The following EVA1A variants were observed in gnomAD, a reference collection of about 807,000 sequenced individuals.
The protein encoded by EVA1A is eva-1 homolog A, regulator of programmed cell death.
In EVA1A, 7 loss-of-function variants were observed where a neutral mutation model predicts 9.8. The ratio of observed to expected loss-of-function variants is 0.71; its 90% CI spans 0.41 to 1.34. The LOEUF is 1.34. EVA1A is among the 40% of genes most tolerant of loss of function. The pLI, the probability that EVA1A is intolerant of heterozygous loss-of-function variation, is 0.01. For missense variants in EVA1A, 206 were observed against 205.9 expected, an observed-to-expected ratio of 1.00 and a Z score of 0.00; for synonymous variants, 90 against 85.6, an observed-to-expected ratio of 1.05 and a Z score of -0.28.
At chr2:75,557,947 T>A (rs1676777911) in intron 1 of EVA1A, among the ~76,000 whole-genome samples, 1 of 152,264 alleles carries the variant, frequency 6.6e-6, no homozygotes, top group Admixed American at 6.5e-5. Context: ...GAGCACTTAT[T>A]ATATGCCAAG....
rs1676894507 is a variant in EVA1A at position 75,560,686 on chromosome 2, TG to T, written c.-199del. 6.6e-6 allele frequency: 1 copy of T among 152,178 alleles called. No homozygotes were observed. The highest frequency in any genetic ancestry group is 1.5e-5 in the Non-Finnish European group (1 of 68,046). 9.4% of individuals were successfully genotyped at this position (152,178 alleles called of 1,614,324 possible). ...GCTCTCGGGCACCTCTTACCTTTGC[TG>T]GGGCCCCGGCGCGCACTTCCGGGGA... On this transcript the variant is annotated 5_prime_UTR_variant, in exon 1 of 4. Transcript: ENST00000393913.
chr2:75,543,425 A>T lies in EVA1A; in HGVS notation c.-192+17255T>A, dbSNP rs142281285. ...TGATTTGTTTCTGTGTTGGCTTCCC[A>T]GTCCCAAAAGTGACTCCTAAGGTCA... is the stretch of plus-strand genomic sequence containing the variant. On this transcript the variant is annotated intron_variant, in intron 1 of 3. Coordinates refer to ENST00000393913, the MANE Select transcript of EVA1A (RefSeq NM_001135032.2). Among the ~76,000 whole-genome samples, 528 of 152,300 alleles carry T rather than the reference A, an allele frequency of 3.5e-3. 3 individuals are homozygous for T. The highest frequency in any genetic ancestry group is 0.024 in the Middle Eastern group (7 of 294).
At chr2:75,543,579 C>G (rs1186230655) in intron 1 of EVA1A, among the ~76,000 whole-genome samples, 3 of 152,118 alleles carry the variant, frequency 2.0e-5, no homozygotes, top group East Asian at 3.9e-4. Context: ...ACCCCCACCC[C>G]ACCCCGCAAG....
intron 3 of EVA1A, among the ~76,000 whole-genome samples, chr2:75,513,034 C>T (rs1674872937): frequency 1.3e-5 from 2 of 152,160 alleles, no homozygotes; most frequent in Admixed American, 1.3e-4. Flanking sequence ...AACCTCCTTC[C>T]ATTTTCTGCC....
chr2:75,505,008 T>G (rs773602762), intron 3 of EVA1A, among the ~76,000 whole-genome samples: 5 of 152,112 alleles, frequency 3.3e-5, no homozygotes, highest in African/African-American at 7.2e-5. Flanking sequence ...CCACAGGCAA[T>G]AGGCAACCCA....
intron 3 of EVA1A, among the ~76,000 whole-genome samples, chr2:75,502,484 G>T (rs1202959743): frequency 6.6e-6 from 1 of 152,106 alleles, no homozygotes; most frequent in African/African-American, 2.4e-5. Flanking sequence ...TACCTATTCT[G>T]CAATCTAAGA....
chr2:75,509,170 G>T (rs1360411555), intron 3 of EVA1A, among the ~76,000 whole-genome samples: 1 of 152,096 alleles, frequency 6.6e-6, no homozygotes, highest in Non-Finnish European at 1.5e-5. Flanking sequence ...AATTTAAGGG[G>T]AACTTATCAT....
chr2:75,521,074 G>A (rs1675213438), intron 2 of EVA1A, among the ~76,000 whole-genome samples: 1 of 152,110 alleles, frequency 6.6e-6, no homozygotes, highest in African/African-American at 2.4e-5. Flanking sequence ...TTTCTCCAAA[G>A]ATATACAAGT....
At chr2:75,517,734 C>A (rs1320175615) in intron 3 of EVA1A, 1 of 711,160 alleles carries the variant, frequency 1.4e-6, no homozygotes, top group African/African-American at 1.8e-5. Context: ...CTGAGGTACT[C>A]CATCAGCCCC....
At chr2:75,506,296 G>A (rs1054614814) in intron 3 of EVA1A, among the ~76,000 whole-genome samples, 1 of 152,196 alleles carries the variant, frequency 6.6e-6, no homozygotes, top group African/African-American at 2.4e-5. Context: ...GAATCTCTGT[G>A]TCAAACAGGA....
chr2:75,502,197 A>G (rs1674452747), intron 3 of EVA1A, among the ~76,000 whole-genome samples: 1 of 152,368 alleles, frequency 6.6e-6, no homozygotes, highest in East Asian at 1.9e-4. Flanking sequence ...TAAAGCCTCT[A>G]GATAGCTTAT....
chr2:75,506,607 G>A (rs1674629279), intron 3 of EVA1A, among the ~76,000 whole-genome samples: 1 of 152,178 alleles, frequency 6.6e-6, no homozygotes, highest in African/African-American at 2.4e-5. Context: ...AGTAGGCACA[G>A]CCTCAATTCT....
At chr2:75,565,016 G>C (rs1008974278), upstream of EVA1A, among the ~76,000 whole-genome samples, 1 of 152,132 alleles carries the variant, frequency 6.6e-6, no homozygotes, top group Non-Finnish European at 1.5e-5. Context: ...GCTGCCAAAG[G>C]CACCACAAGA....
rs187947583 is a variant in EVA1A at position 75,534,798 on chromosome 2, G to A, written c.-191-12311C>T. ...ATTTCTTTTGTTTCTGTTGCTTTTG[G>A]GGTCTTAGTCACAAATTCTTTGCCT... On this transcript the variant is annotated intron_variant, in intron 1 of 3. Transcript: ENST00000393913. Among the ~76,000 whole-genome samples the A allele has an allele frequency of 1.9e-3, 288 of 152,026 alleles. 1 individual carries two copies. The highest frequency in any genetic ancestry group is 6.4e-3 in the African/African-American group (267 of 41,482).
chr2:75,517,980 G>A, intron 3 of EVA1A, 76 bp downstream of exon 3: 2 of 1,554,592 alleles, frequency 1.3e-6, no homozygotes, highest in South Asian at 1.1e-5. Context: ...AATAAGGCCA[G>A]AGATGGCCAC....
chr2:75,519,283 T>G (rs1288272523), intron 2 of EVA1A, among the ~76,000 whole-genome samples: 1 of 151,832 alleles, frequency 6.6e-6, no homozygotes, highest in East Asian at 1.9e-4. Context: ...AGTCACAGAG[T>G]GTAGAAGGGT....
chr2:75,537,240 T>C (rs751151104), intron 1 of EVA1A, among the ~76,000 whole-genome samples: 51 of 152,014 alleles, frequency 3.4e-4, no homozygotes, highest in African/African-American at 9.4e-4. Flanking sequence ...AGCAGAAAAA[T>C]TTTTTCAAAA....
At chr2:75,511,968 T>A (rs549917855) in intron 3 of EVA1A, among the ~76,000 whole-genome samples, 26 of 152,200 alleles carry the variant, frequency 1.7e-4, no homozygotes, top group Middle Eastern at 6.8e-3. Flanking sequence ...AATGTGTGTT[T>A]TGGGGAGAAG....
upstream of EVA1A, among the ~76,000 whole-genome samples, chr2:75,565,850 T>C (rs1203690429): frequency 6.6e-6 from 1 of 152,038 alleles, no homozygotes; most frequent in African/African-American, 2.4e-5. Context: ...AGGCCGAAAA[T>C]TTTTTTTCAT....
Sources: gnomAD v4.1 joint callset for allele counts (sites outside exome capture counted in the v4.1 genomes callset) on GRCh38, gnomAD v4.1.1 for gene constraint, MANE v1.5 for transcripts, NCBI Gene and HGNC (gene_info 2026-07-23, HGNC 2026-07-21) for gene names.